SDCCAG8: variants seen among roughly 807,000 people sequenced by gnomAD.
SDCCAG8 encodes serologically defined colon cancer antigen 8.
A neutral mutation model predicts 101.8 loss-of-function variants in SDCCAG8; 74 were observed. The observed-to-expected ratio is 0.73, with a 90% confidence interval of 0.60 to 0.88. The LOEUF (loss-of-function observed/expected upper bound fraction) is 0.88, where lower values mean the gene tolerates loss of function less well. SDCCAG8 is among the 40% of genes least tolerant of loss of function. The pLI is 0.00. For missense variants in SDCCAG8, 787 were observed against 822.6 expected, an observed-to-expected ratio of 0.96 and a Z score of 0.53; for synonymous variants, 281 against 292.9, an observed-to-expected ratio of 0.96 and a Z score of 0.41.
At chr1:243,412,264 G>A (rs1237397303) in intron 13 of SDCCAG8, among the ~76,000 whole-genome samples, 3 of 151,974 alleles carry the variant, frequency 2.0e-5, no homozygotes, top group African/African-American at 4.8e-5. Flanking sequence ...ATCCATTATC[G>A]TATTACCTCT....
intron 16 of SDCCAG8, among the ~76,000 whole-genome samples, chr1:243,443,710 C>A (rs1374560170): frequency 1.3e-5 from 2 of 152,102 alleles, no homozygotes; most frequent in East Asian, 3.9e-4. Context: ...CTGTCAGAGC[C>A]CAAGAATAAA....
rs138800144 is a variant in SDCCAG8, at chr1:243,433,479, A to G, written c.1985+6921A>G. Among the ~76,000 whole-genome samples, 136 of 152,190 alleles carry G rather than the reference A, an allele frequency of 8.9e-4. 2 individuals are homozygous for G. In the East Asian group the frequency reaches 0.022, roughly 24 times the overall value. On this transcript the variant is annotated intron_variant, in intron 16 of 17. Transcript: ENST00000366541. ...CAGAGTAGCCATGGCAGCACCTGCC[A>G]TCTCCTGGGAGGTCACTCCTGGCTG...
intron 9 of SDCCAG8, among the ~76,000 whole-genome samples, chr1:243,327,720 T>A (rs566923794): frequency 2.6e-5 from 4 of 152,178 alleles, no homozygotes; most frequent in African/African-American, 9.6e-5. Context: ...TATAAATAAT[T>A]GTTTACTAGA....
chr1:243,267,117 A>AT, intron 1 of SDCCAG8: 1 of 155,942 alleles, frequency 6.4e-6, no homozygotes, highest in Non-Finnish European at 1.4e-5. Flanking sequence ...GTGGCGTGTA[A>AT]CTGTAGTCCC....
intron 10 of SDCCAG8, among the ~76,000 whole-genome samples, chr1:243,336,876 C>T (rs2075048708): frequency 6.6e-6 from 1 of 151,992 alleles, no homozygotes; most frequent in South Asian, 2.1e-4. Flanking sequence ...TGTTTACTTT[C>T]TTTATAGATT....
chr1:243,282,664 G>C (rs960696146), intron 4 of SDCCAG8, among the ~76,000 whole-genome samples: 1 of 152,042 alleles, frequency 6.6e-6, no homozygotes, highest in Non-Finnish European at 1.5e-5. Context: ...TCTTTTGAAG[G>C]TTAATCTTGC....
At chr1:243,445,771 C>A (rs906341504) in intron 16 of SDCCAG8, among the ~76,000 whole-genome samples, 2 of 152,170 alleles carry the variant, frequency 1.3e-5, no homozygotes. Context: ...CCCTTGCCCA[C>A]CAAATCTTTT....
At chr1:243,418,984 A>C (rs1466245885) in intron 15 of SDCCAG8, among the ~76,000 whole-genome samples, 1 of 152,188 alleles carries the variant, frequency 6.6e-6, no homozygotes, top group Non-Finnish European at 1.5e-5. Flanking sequence ...CTCAGCAAAC[A>C]AACTACTGAC....
In SDCCAG8 at chr1:243,301,155, TATTAA is replaced by T. The variant is rs1483401075; in HGVS notation, c.676-3553_676-3549del. 2.6e-5 allele frequency among the ~76,000 whole-genome samples: 4 copies of T among 152,300 alleles called. No individual in the cohort carries two copies. In the South Asian group the frequency reaches 6.2e-4, roughly 24 times the overall value. On this transcript the variant is annotated intron_variant, in intron 6 of 17. Coordinates refer to ENST00000366541, the MANE Select transcript of SDCCAG8 (RefSeq NM_006642.5). ...AATGCAAAAAAACATAAAGATGCAG[TATTAA>T]ATTATAACAGCATAAAGTAAAATGT...
intron 16 of SDCCAG8, among the ~76,000 whole-genome samples, chr1:243,476,963 G>A (rs529292168): frequency 6.6e-6 from 1 of 151,968 alleles, no homozygotes; most frequent in East Asian, 1.9e-4. Flanking sequence ...AGATAAAAGG[G>A]CAATGGTGCA....
In SDCCAG8 at chr1:243,378,257, ATC is replaced by A. The variant is rs1473521745; in HGVS notation, c.1474-458_1474-457del. 3.3e-5 allele frequency among the ~76,000 whole-genome samples: 5 copies of A among 151,584 alleles called. No individual in the cohort carries two copies. In the East Asian group the frequency reaches 9.7e-4, roughly 29 times the overall value. On this transcript the variant is annotated intron_variant, in intron 12 of 17. Transcript: ENST00000366541. ...TTTTTACACCTCACATTTTTCGAAAATCTCTCTTATTTATTTTACCTTTAATT... is the reference window on the plus strand; with the variant it reads ...TTTTTACACCTCACATTTTTCGAAAATCTCTTATTTATTTTACCTTTAATT...
chr1:243,366,841 G>A (rs1255863718), intron 12 of SDCCAG8, among the ~76,000 whole-genome samples: 1 of 151,982 alleles, frequency 6.6e-6, no homozygotes, highest in Non-Finnish European at 1.5e-5. Context: ...ATATGTATAT[G>A]TAGGTATATA....
intron 13 of SDCCAG8, among the ~76,000 whole-genome samples, chr1:243,382,356 C>G (rs560740149): frequency 6.6e-6 from 1 of 152,096 alleles, no homozygotes; most frequent in Non-Finnish European, 1.5e-5. Context: ...TGGGTCAAGT[C>G]TGACCCATCA....
intron 16 of SDCCAG8, among the ~76,000 whole-genome samples, chr1:243,486,900 A>G (rs955439381): frequency 6.6e-6 from 1 of 150,376 alleles, no homozygotes; most frequent in East Asian, 2.0e-4. Context: ...TTTCTGTTCC[A>G]TTCTTTTCGA....
Position 243,458,719 on chromosome 1 carries a change from A to G in SDCCAG8, c.1986-30295A>G, listed in dbSNP as rs1208752546. 6.6e-6 allele frequency among the ~76,000 whole-genome samples: 1 copy of G among 152,226 alleles called. No individual in the cohort carries two copies. The highest frequency in any genetic ancestry group is 1.5e-5 in the Non-Finnish European group (1 of 68,044). On this transcript the variant is annotated intron_variant, in intron 16 of 17. Coordinates refer to ENST00000366541, the MANE Select transcript of SDCCAG8 (RefSeq NM_006642.5). This position sits in a 1 kb window ranked among gnomAD's most constrained non-coding sequence, Gnocchi z 4.5. ...GATGCTGATTTGAAGAATCTTAGCAATATTTTAGCTCCCATAATAGTAAAA... is the reference window on the plus strand; with the variant it reads ...GATGCTGATTTGAAGAATCTTAGCAGTATTTTAGCTCCCATAATAGTAAAA...
intron 17 of SDCCAG8, among the ~76,000 whole-genome samples, chr1:243,490,663 C>A (rs901287697): frequency 6.6e-6 from 1 of 152,252 alleles, no homozygotes; most frequent in East Asian, 1.9e-4. Flanking sequence ...AGGCGGGATG[C>A]CCCACGGGCC....
At chr1:243,463,424 A>C (rs1480590631) in intron 16 of SDCCAG8, among the ~76,000 whole-genome samples, 2 of 151,856 alleles carry the variant, frequency 1.3e-5, no homozygotes, top group African/African-American at 4.9e-5. Context: ...AATGAGAAGA[A>C]GCACATGACT....
At position 243,499,847 on chromosome 1, in the gene SDCCAG8, G is replaced by GACTT. The variant is rs1253184007; in HGVS notation, c.*64_*67dup. ...GAGATATTTACATTCATCTGGTTTA[G>GACTT]ACTTAATATGCCACAACGCACCACG... On this transcript the variant is annotated 3_prime_UTR_variant, in exon 18 of 18. Transcript: ENST00000366541. 13 of 1,511,808 alleles carry GACTT rather than the reference G, an allele frequency of 8.6e-6. No homozygotes were observed. In the East Asian group the frequency reaches 1.1e-4, roughly 13 times the overall value. The allele number at this position is 1,511,808 out of a possible 1,614,324, so 93.6% of individuals were successfully genotyped here.
chr1:243,294,651 T>A (rs1218467146), intron 6 of SDCCAG8, among the ~76,000 whole-genome samples: 1 of 151,402 alleles, frequency 6.6e-6, no homozygotes, highest in Admixed American at 6.6e-5. Flanking sequence ...TCTCAGGATG[T>A]TTCTGAGTGT....
Sources: gnomAD v4.1 joint callset for allele counts (sites outside exome capture counted in the v4.1 genomes callset) on GRCh38, gnomAD v4.1.1 for gene constraint, Gnocchi (gnomAD v3.1) non-coding constraint, MANE v1.5 for transcripts, NCBI Gene and HGNC (gene_info 2026-07-23, HGNC 2026-07-21) for gene names.